The following COL4A4 variants were observed in gnomAD, a reference collection of about 807,000 sequenced individuals.
The protein encoded by COL4A4 is collagen alpha-4(IV) chain.
Under a neutral mutation model 192.9 loss-of-function variants are expected in COL4A4, and 105 were observed. The observed-to-expected ratio is 0.54, with a 90% confidence interval of 0.46 to 0.64. The LOEUF is 0.64. Among genes scored for constraint, COL4A4 ranks in the 30% least tolerant of loss-of-function variants. The pLI, the probability that COL4A4 is intolerant of heterozygous loss-of-function variation, is 0.00. For missense variants in COL4A4, 1,967 were observed against 2,169.3 expected, an observed-to-expected ratio of 0.91 and a Z score of 1.85; for synonymous variants, 762 against 769.9, an observed-to-expected ratio of 0.99 and a Z score of 0.17.
intron 2 of COL4A4, among the ~76,000 whole-genome samples, chr2:227,146,355 C>A (rs2063547878): frequency 6.6e-6 from 1 of 151,956 alleles, no homozygotes; most frequent in Non-Finnish European, 1.5e-5. Context: ...CACCCCAAAT[C>A]AGTTAAGACT....
chr2:227,082,236 C>T (rs1559574384), intron 22 of COL4A4, 49 bp from the exon 23 acceptor site: 1 of 1,377,996 alleles, frequency 7.3e-7, no homozygotes, highest in Non-Finnish European at 1.0e-6. Context: ...GATGGATCAA[C>T]AGTTACATCT....
intron 4 of COL4A4, among the ~76,000 whole-genome samples, chr2:227,136,737 T>C (rs993939384): frequency 5.3e-5 from 8 of 152,174 alleles, no homozygotes; most frequent in Admixed American, 5.2e-4. Flanking sequence ...TGGGGTTTGA[T>C]GAAACTACTA....
At chr2:227,111,030 A>C (rs988197526) in intron 9 of COL4A4, among the ~76,000 whole-genome samples, 2 of 152,244 alleles carry the variant, frequency 1.3e-5, no homozygotes, top group Non-Finnish European at 2.9e-5. Context: ...AACTGGAAAG[A>C]CTAATATAAT....
chr2:227,037,272 T>C (rs1401016354), intron 37 of COL4A4, among the ~76,000 whole-genome samples: 1 of 152,192 alleles, frequency 6.6e-6, no homozygotes, highest in East Asian at 1.9e-4. Context: ...TGTGTGATAT[T>C]CCTCTCCCTA....
rs1416628661 is a variant in COL4A4 at position 227,050,126 on chromosome 2, C to T, written c.3156G>A (p.Glu1052=). 1 of 1,614,060 alleles carries T rather than the reference C, an allele frequency of 6.2e-7. No individual in the cohort carries two copies. Among genetic ancestry groups the T allele is most frequent in the Non-Finnish European group, 8.5e-7 (1 of 1,179,928 alleles). Residue 1052 remains glutamate, a synonymous_variant, in exon 34 of 48, where the codon GAG becomes GAA. Transcript: ENST00000396625. The part of the protein sequence containing the change: ...GFPGLPGDQG[E]PGSPGPPGFS... ...ATCCAGGGGGACCTGGAGAACCTGG[C>T]TCACCCTGACAGTTTAATGAAACAA... is the stretch of plus-strand genomic sequence containing the variant.
At chr2:227,115,355 C>T (rs1012110881) in intron 7 of COL4A4, among the ~76,000 whole-genome samples, 6 of 148,446 alleles carry the variant, frequency 4.0e-5, no homozygotes, top group Non-Finnish European at 7.4e-5. Flanking sequence ...ACTGCAAACT[C>T]TGCCTCCCGG....
At chr2:227,019,260 GA>G (rs1292729626) in intron 44 of COL4A4, among the ~76,000 whole-genome samples, 2 of 152,224 alleles carry the variant, frequency 1.3e-5, no homozygotes, top group African/African-American at 4.8e-5. Flanking sequence ...GCCTTGCTAA[GA>G]AACGTTCTAC....
intron 44 of COL4A4, 56 bp from the exon 45 acceptor site, chr2:227,012,353 T>G: frequency 1.5e-6 from 2 of 1,377,464 alleles, no homozygotes; most frequent in Non-Finnish European, 2.1e-6. Context: ...CTGCTAGCAT[T>G]TACCGTGCTT....
At chr2:227,061,536 T>C (rs1215424847) in intron 26 of COL4A4, among the ~76,000 whole-genome samples, 7 of 152,174 alleles carry the variant, frequency 4.6e-5, no homozygotes, top group Non-Finnish European at 7.3e-5. Context: ...CCATCTTAGA[T>C]CAGCTAAACC....
chr2:227,125,100 G>GA (rs1241588028), intron 4 of COL4A4, among the ~76,000 whole-genome samples: 1 of 151,976 alleles, frequency 6.6e-6, no homozygotes, highest in African/African-American at 2.4e-5. Flanking sequence ...TTGCAGAGGG[G>GA]AAAAAAGGCG....
At chr2:227,076,284 A>G (rs1162667265) in intron 25 of COL4A4, among the ~76,000 whole-genome samples, 1 of 152,212 alleles carries the variant, frequency 6.6e-6, no homozygotes, top group Non-Finnish European at 1.5e-5. Context: ...ACTGGTACCA[A>G]AGCAGATATA....
chr2:227,069,802 G>A (rs1206987219), intron 25 of COL4A4, among the ~76,000 whole-genome samples: 1 of 150,966 alleles, frequency 6.6e-6, no homozygotes, highest in African/African-American at 2.4e-5. Flanking sequence ...TCAGGACATA[G>A]GCATGGGCAA....
chr2:227,086,590 G>A (rs574800540), intron 22 of COL4A4, among the ~76,000 whole-genome samples: 2 of 151,704 alleles, frequency 1.3e-5, no homozygotes, highest in Non-Finnish European at 2.9e-5. Flanking sequence ...ATACACAACA[G>A]ACCAGATACA....
chr2:227,008,001 A>C lies in COL4A4; in HGVS notation c.4809+17T>G, dbSNP rs1243055864. 4 of 1,606,426 alleles carry C rather than the reference A, an allele frequency of 2.5e-6. No homozygotes were observed. In the East Asian group the frequency reaches 6.7e-5, roughly 27 times the overall value. ...AAATGGTGAATGAGCCAGGGTTTTC[A>C]AGGGCACGGGACTCACCATCAGGAA... On this transcript the variant is annotated intron_variant, in intron 47 of 47. Transcript: ENST00000396625.
At chr2:227,048,335 G>A (rs1448290279) in intron 34 of COL4A4, among the ~76,000 whole-genome samples, 2 of 152,182 alleles carry the variant, frequency 1.3e-5, no homozygotes, top group Non-Finnish European at 2.9e-5. Context: ...AATTGCTTGA[G>A]GGGTGGGATT....
chr2:227,126,939 T>G (rs56031680), intron 4 of COL4A4, among the ~76,000 whole-genome samples: 2,393 of 152,264 alleles, frequency 0.016, 55 homozygotes, highest in African/African-American at 0.055. Flanking sequence ...CAAATAGACA[T>G]AAGTAGCAGG....
In COL4A4 at chr2:227,123,841, T is replaced by G. The variant is rs75100244; in HGVS notation, c.193-2693A>C. Among the ~76,000 whole-genome samples, 1 of 152,154 alleles carries G rather than the reference T, an allele frequency of 6.6e-6. No individual in the cohort carries two copies. Among genetic ancestry groups the G allele is most frequent in the Non-Finnish European group, 1.5e-5 (1 of 68,032 alleles). On this transcript the variant is annotated intron_variant, in intron 4 of 47. Coordinates refer to ENST00000396625, the MANE Select transcript of COL4A4 (RefSeq NM_000092.5). This position sits in a 1 kb window ranked among gnomAD's most constrained non-coding sequence, Gnocchi z 4.6. Reference sequence around the variant, plus strand: ...ACATAGAACATCCTCCCCAAGCTCATGAGGGAGAAACAGAGTGAGCACCCA... The same window carrying G: ...ACATAGAACATCCTCCCCAAGCTCAGGAGGGAGAAACAGAGTGAGCACCCA...
chr2:227,121,963 G>A lies in COL4A4; in HGVS notation c.193-815C>T, dbSNP rs143475433. Among the ~76,000 whole-genome samples the A allele has an allele frequency of 1.4e-3, 214 of 152,284 alleles. 5 individuals are homozygous for A. In the East Asian group the frequency reaches 0.035, roughly 25 times the overall value. ...CTTTTATTTACTTCAAATAACTAAT[G>A]ATTTGCCTGCCCTTTCGAAGGACAA... On this transcript the variant is annotated intron_variant, in intron 4 of 47. Transcript: ENST00000396625.
chr2:227,042,595 A>G (rs773780966), intron 36 of COL4A4, among the ~76,000 whole-genome samples: 1 of 152,122 alleles, frequency 6.6e-6, no homozygotes, highest in Non-Finnish European at 1.5e-5. Flanking sequence ...CAGCATCCTG[A>G]ATGGCAGGAG....
Sources: gnomAD v4.1 joint callset for allele counts (sites outside exome capture counted in the v4.1 genomes callset) on GRCh38, gnomAD v4.1.1 for gene constraint, Gnocchi (gnomAD v3.1) non-coding constraint, MANE v1.5 for transcripts, NCBI Gene and HGNC (gene_info 2026-07-23, HGNC 2026-07-21) for gene names.